The following CAMTA1 variants were observed in gnomAD, a reference collection of about 807,000 sequenced individuals.
The protein encoded by CAMTA1 is calmodulin-binding transcription activator 1.
A neutral mutation model predicts 170.9 loss-of-function variants in CAMTA1; 27 were observed. The observed-to-expected ratio is 0.16, with a 90% CI of 0.12 to 0.22. The LOEUF is 0.22. Ranked by LOEUF, CAMTA1 falls within the 10% of genes least tolerant of loss-of-function variation. CAMTA1 has a pLI of 1.00. For missense variants in CAMTA1, 1,619 were observed against 2,217.2 expected, an observed-to-expected ratio of 0.73 and a Z score of 5.42; for synonymous variants, 833 against 891.5, an observed-to-expected ratio of 0.93 and a Z score of 1.17.
chr1:7,129,755 A>G (rs1209341390), intron 4 of CAMTA1, among the ~76,000 whole-genome samples: 1 of 152,120 alleles, frequency 6.6e-6, no homozygotes, highest in Non-Finnish European at 1.5e-5. Flanking sequence ...CACATTCATC[A>G]CCCTAAAAGT....
At chr1:7,187,156 T>G (rs1177782541) in intron 4 of CAMTA1, among the ~76,000 whole-genome samples, 1 of 152,060 alleles carries the variant, frequency 6.6e-6, no homozygotes, top group Non-Finnish European at 1.5e-5. Context: ...CGGGGGCATT[T>G]GAACCAAGAT....
intron 7 of CAMTA1, among the ~76,000 whole-genome samples, chr1:7,651,268 C>A (rs960904003): frequency 2.6e-5 from 4 of 152,138 alleles, no homozygotes; most frequent in African/African-American, 7.2e-5. Flanking sequence ...GAGGACAGGG[C>A]CCCCCACAGC....
chr1:7,441,526 A>G (rs2092535582), intron 5 of CAMTA1: 1 of 152,250 alleles, frequency 6.6e-6, no homozygotes, highest in Non-Finnish European at 1.5e-5. Flanking sequence ...CGCAGTGTCC[A>G]CTGGTGCAGG....
intron 3 of CAMTA1, among the ~76,000 whole-genome samples, chr1:6,881,761 T>G (rs554861179): frequency 6.6e-6 from 1 of 151,282 alleles, no homozygotes; most frequent in Admixed American, 6.6e-5. Flanking sequence ...AGGTCAGGAG[T>G]TCAAGACCAG....
intron 5 of CAMTA1, among the ~76,000 whole-genome samples, chr1:7,398,193 C>CTATATATATATATATATATATATA (rs3034829): frequency 1.2e-4 from 2 of 16,900 alleles, no homozygotes; most frequent in Non-Finnish European, 2.2e-4. Context: ...CTCTCTCTCT[C>CTATATATATATATATATATATATA]TATATATATA....
At chr1:7,428,183 C>T (rs1036310221) in intron 5 of CAMTA1, among the ~76,000 whole-genome samples, 4 of 152,044 alleles carry the variant, frequency 2.6e-5, no homozygotes, top group Admixed American at 1.3e-4. Flanking sequence ...GCTATGGAGA[C>T]GTTGGTACTG....
intron 6 of CAMTA1, among the ~76,000 whole-genome samples, chr1:7,603,570 G>A (rs887963944): frequency 6.6e-6 from 1 of 152,082 alleles, no homozygotes; most frequent in Non-Finnish European, 1.5e-5. Context: ...TTGAGCCTAT[G>A]TGTGTCTCTG....
At chr1:7,018,509 G>A (rs1028166263) in intron 3 of CAMTA1, among the ~76,000 whole-genome samples, 1 of 152,004 alleles carries the variant, frequency 6.6e-6, no homozygotes, top group African/African-American at 2.4e-5. Flanking sequence ...GAACTCTATG[G>A]CCATTTTACA....
rs61742693 is a variant in CAMTA1, at chr1:7,664,938, G to T, written c.2391G>T (p.Ser797=). The part of the protein sequence containing the change: ...SSTIYGHQLV[S]GDSTALSQSE... ...CCATCTATGGGCACCAGCTGGTGTC[G>T]GGGGACAGCACGGCGCTCTCACAGT... Residue 797 remains serine (S), a synonymous_variant, in exon 9 of 23, where the codon TCG becomes TCT. Transcript: ENST00000303635. 1.2e-6 allele frequency: 2 copies of T among 1,612,956 alleles called. No individual in the cohort carries two copies.
chr1:7,340,844 A>G (rs1021991332), intron 5 of CAMTA1, among the ~76,000 whole-genome samples: 2 of 152,184 alleles, frequency 1.3e-5, no homozygotes, highest in Non-Finnish European at 2.9e-5. Flanking sequence ...ACAAGAATTC[A>G]GTGGAGGACA....
At chr1:6,821,386 A>G (rs1646469527) in intron 2 of CAMTA1, among the ~76,000 whole-genome samples, 1 of 152,210 alleles carries the variant, frequency 6.6e-6, no homozygotes, top group Non-Finnish European at 1.5e-5. Context: ...GCTGACTTGA[A>G]TATAACAATA....
chr1:7,225,467 G>A (rs868560761), intron 4 of CAMTA1, among the ~76,000 whole-genome samples: 4 of 152,118 alleles, frequency 2.6e-5, no homozygotes, highest in East Asian at 1.9e-4. Flanking sequence ...CCTTTTCTCC[G>A]AGTGGCCCTG....
intron 3 of CAMTA1, among the ~76,000 whole-genome samples, chr1:6,944,849 T>C (rs538094282): frequency 6.6e-6 from 1 of 152,346 alleles, no homozygotes; most frequent in African/African-American, 2.4e-5. Context: ...TTTGATTTTT[T>C]CCCAACTCTA....
Position 7,195,119 on chromosome 1 carries a change from A to G in CAMTA1, c.303-54372A>G, listed in dbSNP as rs895563648. Among the ~76,000 whole-genome samples the G allele has an allele frequency of 1.3e-5, 2 of 152,206 alleles. No individual in the cohort carries two copies. Among genetic ancestry groups the G allele is most frequent in the East Asian group, 3.9e-4 (2 of 5,192 alleles). ...AAATAAGCAAACACGCACATAAACCACCAACTAACCCAGCCCAGCAGCAGG... is the reference window on the plus strand; with the variant it reads ...AAATAAGCAAACACGCACATAAACCGCCAACTAACCCAGCCCAGCAGCAGG... On this transcript the variant is annotated intron_variant, in intron 4 of 22. Coordinates refer to ENST00000303635, the MANE Select transcript of CAMTA1 (RefSeq NM_015215.4). The surrounding 1 kb of genome is among the most constrained non-coding windows in gnomAD (Gnocchi z 4.1).
At chr1:7,716,862 T>G (rs943182535) in intron 11 of CAMTA1, among the ~76,000 whole-genome samples, 14 of 152,214 alleles carry the variant, frequency 9.2e-5, no homozygotes, top group Non-Finnish European at 1.5e-4. Flanking sequence ...CAGGATACGG[T>G]AGCACCCTGA....
At chr1:7,754,169 C>T (rs2096916154) in intron 21 of CAMTA1, among the ~76,000 whole-genome samples, 1 of 152,198 alleles carries the variant, frequency 6.6e-6, no homozygotes, top group Admixed American at 6.5e-5. Flanking sequence ...TCCTATCCAG[C>T]ACTGAAACCA....
At chr1:7,613,718 G>A (rs1040770451) in intron 6 of CAMTA1, among the ~76,000 whole-genome samples, 7 of 150,530 alleles carry the variant, frequency 4.7e-5, no homozygotes, top group Admixed American at 4.0e-4. Context: ...TGAGGAGAGC[G>A]ATGGCGGGGG....
chr1:7,364,405 C>G (rs2085802271), intron 5 of CAMTA1, among the ~76,000 whole-genome samples: 1 of 151,436 alleles, frequency 6.6e-6, no homozygotes, highest in African/African-American at 2.4e-5. Flanking sequence ...TCTATGTGTC[C>G]TCACATGGTG....
chr1:7,511,331 T>C (rs1413000870), intron 6 of CAMTA1, among the ~76,000 whole-genome samples: 1 of 145,468 alleles, frequency 6.9e-6, no homozygotes, highest in Non-Finnish European at 1.5e-5. Context: ...TTTCCTGTAA[T>C]GTGGGGATCA....
Sources: allele counts gnomAD v4.1 joint callset (sites outside exome capture counted in the v4.1 genomes callset), GRCh38; gene constraint gnomAD v4.1.1; non-coding constraint Gnocchi (gnomAD v3.1); transcripts MANE v1.5; gene names NCBI Gene and HGNC (gene_info 2026-07-23, HGNC 2026-07-21).